The following TMEM106B variants were observed in gnomAD, a reference collection of about 807,000 sequenced individuals.
TMEM106B encodes transmembrane protein 106B.
In TMEM106B, 15 loss-of-function variants were observed where a neutral mutation model predicts 31.1. The observed-to-expected ratio is 0.48, with a 90% CI of 0.32 to 0.74. The LOEUF is 0.74. TMEM106B is among the 30% of genes least tolerant of loss of function. TMEM106B has a pLI of 0.03. For missense variants in TMEM106B, 283 were observed against 327.3 expected (o/e 0.86, Z 1.04); for synonymous variants, 126 against 112.5 (o/e 1.12, Z -0.76).
In TMEM106B at chr7:12,240,056, C is replaced by G. The variant is rs891315888; in HGVS notation, c.*8081C>G. 4.6e-3 allele frequency: 18 copies of G among 3,876 alleles called. No individual in the cohort carries two copies. In the African/African-American group the frequency reaches 0.059, roughly 13 times the overall value. The allele number at this position is 3,876 out of a possible 1,614,324, so 0.2% of individuals were successfully genotyped here. A position where few individuals can be genotyped will look rare whatever the true frequency, so the allele number is the denominator to read the frequency against. On this transcript the variant is annotated 3_prime_UTR_variant, in exon 8 of 8. Transcript: ENST00000396668. ...TATATCTGCACTTCCTTCTTTTTTA[C>G]TGAAAAAGCCCAAGTTCTTACTCTG... is the stretch of plus-strand genomic sequence containing the variant.
At chr7:12,226,874 C>A (rs969691307) in intron 4 of TMEM106B, among the ~76,000 whole-genome samples, 3 of 152,108 alleles carry the variant, frequency 2.0e-5, no homozygotes, top group African/African-American at 7.2e-5. Context: ...TGGGTATTTT[C>A]TCACTTAGCC....
At chr7:12,219,366 C>T (rs930310305) in intron 3 of TMEM106B, among the ~76,000 whole-genome samples, 3 of 152,254 alleles carry the variant, frequency 2.0e-5, no homozygotes, top group African/African-American at 7.2e-5. Flanking sequence ...GCTAGCAAAG[C>T]AACGCTGGCA....
chr7:12,214,897 A>G lies in TMEM106B; in HGVS notation c.87A>G (p.Gly29=). 6.2e-7 allele frequency: 1 copy of G among 1,614,084 alleles called. No homozygotes were observed. Among genetic ancestry groups the G allele is most frequent in the Non-Finnish European group, 8.5e-7 (1 of 1,179,976 alleles). ...TCACATCTGAAAACATGAGGAATGGACTGGTTAATAGTGAAGTCCATAATG... is the reference window on the plus strand; with the variant it reads ...TCACATCTGAAAACATGAGGAATGGGCTGGTTAATAGTGAAGTCCATAATG... The part of the protein sequence containing the change: ...DGVTSENMRN[G]LVNSEVHNED... The change falls in exon 2 of 8, where the codon GGA becomes GGG. Residue 29 remains glycine, a synonymous_variant. Transcript: ENST00000396668.
intron 2 of TMEM106B, among the ~76,000 whole-genome samples, chr7:12,216,949 G>T (rs1781698611): frequency 6.6e-6 from 1 of 152,078 alleles, no homozygotes; most frequent in Non-Finnish European, 1.5e-5. Flanking sequence ...AGAGAAAATA[G>T]ATTTTCTGAG....
At chr7:12,216,104 C>T (rs888703513) in intron 2 of TMEM106B, among the ~76,000 whole-genome samples, 19 of 151,884 alleles carry the variant, frequency 1.3e-4, no homozygotes, top group Admixed American at 3.3e-4. Flanking sequence ...TTTACATTTG[C>T]GTTGGCCTTT....
At chr7:12,221,484 T>G (rs1438468421) in intron 3 of TMEM106B, among the ~76,000 whole-genome samples, 1 of 152,202 alleles carries the variant, frequency 6.6e-6, no homozygotes, top group Non-Finnish European at 1.5e-5. Flanking sequence ...TTTCCACTTT[T>G]GACCCAAATA....
Position 12,232,092 on chromosome 7 carries a change from T to A in TMEM106B, c.*117T>A. On this transcript the variant is annotated 3_prime_UTR_variant, in exon 8 of 8. Coordinates refer to ENST00000396668, the MANE Select transcript of TMEM106B (RefSeq NM_001134232.2). ...TGAACAAACCTAAAGTTTACACTTC[T>A]AAGAGTACAGTTAAAAGTATGTGGA... is the stretch of plus-strand genomic sequence containing the variant. 2.1e-6 allele frequency: 2 copies of A among 943,076 alleles called. No homozygotes were observed. Among genetic ancestry groups the A allele is most frequent in the Non-Finnish European group, 3.0e-6 (2 of 657,004 alleles). 58.4% of individuals were successfully genotyped at this position (943,076 alleles called of 1,614,324 possible). A position where few individuals can be genotyped will look rare whatever the true frequency, so the allele number is the denominator to read the frequency against.
intron 1 of TMEM106B, among the ~76,000 whole-genome samples, chr7:12,211,846 A>G (rs1781584447): frequency 6.6e-6 from 1 of 152,226 alleles, no homozygotes; most frequent in Non-Finnish European, 1.5e-5. Flanking sequence ...GTGTCTACAC[A>G]GAAGATCAGG....
Position 12,230,445 on chromosome 7 carries a change from T to A in TMEM106B, c.632+7T>A, listed in dbSNP as rs370105760. The A allele has an allele frequency of 3.1e-5, 48 of 1,544,796 alleles. No homozygotes were observed. The highest frequency in any genetic ancestry group is 4.1e-5 in the Non-Finnish European group (46 of 1,124,872). On this transcript the variant is annotated splice_region_variant and intron_variant, in intron 6 of 7. Transcript: ENST00000396668. Reference sequence around the variant, plus strand: ...AGGAAATGAGTTATATGTAGTAAGTTCTGATTTATAATAACTTTTTATTGT... The same window carrying A: ...AGGAAATGAGTTATATGTAGTAAGTACTGATTTATAATAACTTTTTATTGT...
At chr7:12,214,113 C>G (rs1781636457) in intron 1 of TMEM106B, 1 of 152,144 alleles carries the variant, frequency 6.6e-6, no homozygotes, top group Non-Finnish European at 1.5e-5. Context: ...ATATCTTACC[C>G]CAAAATATAT....
intron 4 of TMEM106B, among the ~76,000 whole-genome samples, chr7:12,225,683 CGTTCATAT>C (rs1334246241): frequency 3.3e-5 from 5 of 151,928 alleles, no homozygotes; most frequent in African/African-American, 1.2e-4. Flanking sequence ...GAGAAGTGTC[CGTTCATAT>C]CCTTCGCCCA....
Position 12,229,667 on chromosome 7 carries a change from CT to C in TMEM106B, c.442-5del. On this transcript the variant is annotated splice_polypyrimidine_tract_variant and intron_variant, in intron 4 of 7. Transcript: ENST00000396668. ...AGCTAACTTGTAAATTTTCTGTGTCCTTTTTTTGTAGAACACACTAAATATA... is the reference window on the plus strand; with the variant it reads ...AGCTAACTTGTAAATTTTCTGTGTCCTTTTTTGTAGAACACACTAAATATA... 1.1e-5 allele frequency: 16 copies of C among 1,519,398 alleles called. No individual in the cohort carries two copies. The highest frequency in any genetic ancestry group is 4.5e-5 in the Admixed American group (2 of 44,458). 94.1% of individuals were successfully genotyped at this position (1,519,398 alleles called of 1,614,324 possible).
chr7:12,241,105 G>T lies in TMEM106B; in HGVS notation c.*9130G>T, dbSNP rs1782230445. ...GTCTTCAAAGGGAATCCTTAAAAAT[G>T]ATATATTGGAAACCACTGATTTCTT... On this transcript the variant is annotated 3_prime_UTR_variant, in exon 8 of 8. Transcript: ENST00000396668. 2 of 151,996 alleles carry T rather than the reference G, an allele frequency of 1.3e-5. No individual in the cohort carries two copies. Among genetic ancestry groups the T allele is most frequent in the South Asian group, 4.1e-4 (2 of 4,824 alleles). 9.4% of individuals were successfully genotyped at this position (151,996 alleles called of 1,614,324 possible). A position where few individuals can be genotyped will look rare whatever the true frequency, so the allele number is the denominator to read the frequency against.
chr7:12,218,649 C>A, intron 3 of TMEM106B, 128 bp downstream of exon 3: 1 of 725,346 alleles, frequency 1.4e-6, no homozygotes, highest in Non-Finnish European at 2.2e-6. Context: ...TAAATTATGT[C>A]ATCATATGCT....
intron 1 of TMEM106B, 74 bp from the exon 2 acceptor site, chr7:12,214,735 T>G (rs1781652504): frequency 8.5e-7 from 1 of 1,169,706 alleles, no homozygotes; most frequent in Non-Finnish European, 1.2e-6. Context: ...AATTAATTAG[T>G]GTAAATATCT....
At chr7:12,221,087 A>AGTGTGT (rs71027479) in intron 3 of TMEM106B, among the ~76,000 whole-genome samples, 15,235 of 149,950 alleles carry the variant, frequency 0.1, 1,314 homozygotes, top group East Asian at 0.3. Flanking sequence ...AAGCAAGTAA[A>AGTGTGT]GTGTGTGTGT....
chr7:12,217,048 T>C (rs12699325), intron 2 of TMEM106B, among the ~76,000 whole-genome samples: 8,557 of 151,732 alleles, frequency 0.056, 334 homozygotes, highest in Middle Eastern at 0.11. Context: ...CTTTGTAAGA[T>C]AGAGTGAATA....
In TMEM106B at chr7:12,232,143, C is replaced by G. The variant is rs1782038958; in HGVS notation, c.*168C>G. 1 of 517,390 alleles carries G rather than the reference C, an allele frequency of 1.9e-6. No individual in the cohort carries two copies. Among genetic ancestry groups the G allele is most frequent in the Non-Finnish European group, 3.3e-6 (1 of 299,636 alleles). 32.0% of individuals were successfully genotyped at this position (517,390 alleles called of 1,614,324 possible). On this transcript the variant is annotated 3_prime_UTR_variant, in exon 8 of 8. Transcript: ENST00000396668. ...CCTGCAGTTCTTGTAACTCTCCACT[C>G]TGTGTTAATGATATATTTGTACTAG...
rs1482444643 is a variant in TMEM106B, at chr7:12,240,342, C to G, written c.*8367C>G. ...TAAACTTACTCAAACACTTGGTGAA[C>G]TTTTTCTGAATGTTTTTTCTGAATG... On this transcript the variant is annotated 3_prime_UTR_variant, in exon 8 of 8. Transcript: ENST00000396668. 6.6e-6 allele frequency: 1 copy of G among 152,142 alleles called. No homozygotes were observed. Among genetic ancestry groups the G allele is most frequent in the Non-Finnish European group, 1.5e-5 (1 of 68,022 alleles). 9.4% of individuals were successfully genotyped at this position (152,142 alleles called of 1,614,324 possible). A position where few individuals can be genotyped will look rare whatever the true frequency, so the allele number is the denominator to read the frequency against.
Sources: gnomAD v4.1 joint callset for allele counts (sites outside exome capture counted in the v4.1 genomes callset) on GRCh38, gnomAD v4.1.1 for gene constraint, MANE v1.5 for transcripts, NCBI Gene and HGNC (gene_info 2026-07-23, HGNC 2026-07-21) for gene names.